Variants in TBC1D4 observed in about 807,000 individuals in gnomAD.
TBC1D4 encodes TBC1 domain family member 4, also known as TBC (Tre-2, BUB2, CDC16) domain-containing protein.
TBC1D4 carries 121 observed loss-of-function variants against 142.5 expected under a neutral mutation model. The observed-to-expected ratio is 0.85, with a 90% confidence interval of 0.73 to 0.99. The LOEUF (loss-of-function observed/expected upper bound fraction) is 0.99, where lower values mean the gene tolerates loss of function less well. TBC1D4 is among the 50% of genes least tolerant of loss of function. TBC1D4 has a pLI of 0.00. For synonymous variants in TBC1D4, 630 were observed against 628.2 expected, an observed-to-expected ratio of 1.00 and a Z score of -0.04; for missense variants, 1,475 against 1,606.6, an observed-to-expected ratio of 0.92 and a Z score of 1.40.
intron 1 of TBC1D4, among the ~76,000 whole-genome samples, chr13:75,375,267 C>T (rs1883433139): frequency 1.3e-5 from 2 of 152,328 alleles, no homozygotes; most frequent in South Asian, 2.1e-4. Context: ...TGGCTGTGAA[C>T]ATCCTTAGAG....
chr13:75,440,788 T>G (rs774575807), intron 1 of TBC1D4, among the ~76,000 whole-genome samples: 1 of 150,334 alleles, frequency 6.7e-6, no homozygotes, highest in Non-Finnish European at 1.5e-5. Context: ...TCCAGGCTGG[T>G]TTCAAACTCC....
At chr13:75,293,282 T>C (rs377054608) in intron 18 of TBC1D4, among the ~76,000 whole-genome samples, 3 of 152,238 alleles carry the variant, frequency 2.0e-5, no homozygotes, top group Admixed American at 6.5e-5. Flanking sequence ...GAGGGAACCA[T>C]AGAATCATTA....
intron 7 of TBC1D4, among the ~76,000 whole-genome samples, chr13:75,338,271 A>C (rs1390430821): frequency 6.6e-6 from 1 of 152,028 alleles, no homozygotes; most frequent in Non-Finnish European, 1.5e-5. Context: ...GGCCCCACCA[A>C]GAAAGGAAAG....
chr13:75,444,561 T>A (rs1364572069), intron 1 of TBC1D4, among the ~76,000 whole-genome samples: 2 of 152,254 alleles, frequency 1.3e-5, no homozygotes, highest in Non-Finnish European at 2.9e-5. Flanking sequence ...TTGTTGTTCA[T>A]GTTTCATGTC....
At chr13:75,338,780 G>A (rs140624569) in intron 7 of TBC1D4, among the ~76,000 whole-genome samples, 4 of 152,202 alleles carry the variant, frequency 2.6e-5, no homozygotes, top group Non-Finnish European at 5.9e-5. Flanking sequence ...TTTCCAAATT[G>A]AATTCTTATT....
chr13:75,389,314 T>G (rs1884345077), intron 1 of TBC1D4, among the ~76,000 whole-genome samples: 1 of 152,248 alleles, frequency 6.6e-6, no homozygotes, highest in Non-Finnish European at 1.5e-5. Flanking sequence ...AAATGAATTA[T>G]AAACAGCCTT....
chr13:75,302,069 G>A (rs918248919), intron 16 of TBC1D4, among the ~76,000 whole-genome samples, 174 bp downstream of exon 16: 1 of 152,104 alleles, frequency 6.6e-6, no homozygotes, highest in Non-Finnish European at 1.5e-5. Flanking sequence ...GGCATTTATG[G>A]GATCGTCAAT....
chr13:75,292,032 A>C, intron 19 of TBC1D4, 70 bp downstream of exon 19: 1 of 1,307,164 alleles, frequency 7.7e-7, no homozygotes, highest in East Asian at 2.4e-5. Context: ...CTACATTTTT[A>C]GGCTAAAGCA....
intron 1 of TBC1D4, among the ~76,000 whole-genome samples, chr13:75,455,789 C>T (rs1185819030): frequency 6.6e-6 from 1 of 152,010 alleles, no homozygotes; most frequent in Non-Finnish European, 1.5e-5. Context: ...CACTAATGCA[C>T]CCATATGTAA....
chr13:75,409,470 A>G (rs1262382857), intron 1 of TBC1D4, among the ~76,000 whole-genome samples: 1 of 152,206 alleles, frequency 6.6e-6, no homozygotes, highest in Non-Finnish European at 1.5e-5. Context: ...CAAATCAAAC[A>G]TTCCATTCCT....
intron 1 of TBC1D4, among the ~76,000 whole-genome samples, chr13:75,463,335 T>G (rs1291340709): frequency 1.3e-5 from 2 of 152,100 alleles, no homozygotes; most frequent in African/African-American, 4.8e-5. Context: ...GAGTCATAAT[T>G]AAAAAAACCT....
In TBC1D4 at chr13:75,302,140, C is replaced by G; in HGVS notation, c.2911+103G>C. On this transcript the variant is annotated intron_variant, in intron 16 of 20. Coordinates refer to ENST00000377636, the MANE Select transcript of TBC1D4 (RefSeq NM_014832.5). Reference sequence around the variant, plus strand: ...AAGTCAACGGCTCTGCATATGCCAACAGGTGCTCTTTATCAGCACCAAGAA... The same window carrying G: ...AAGTCAACGGCTCTGCATATGCCAAGAGGTGCTCTTTATCAGCACCAAGAA... The G allele has an allele frequency of 2.8e-6, 4 of 1,408,704 alleles. No homozygotes were observed. In the South Asian group the frequency reaches 3.5e-5, roughly 12 times the overall value. The allele number at this position is 1,408,704 out of a possible 1,614,324, so 87.3% of individuals were successfully genotyped here.
intron 1 of TBC1D4, among the ~76,000 whole-genome samples, chr13:75,442,016 A>T (rs1307491525): frequency 1.3e-5 from 2 of 152,282 alleles, no homozygotes; most frequent in Non-Finnish European, 2.9e-5. Flanking sequence ...TAAAATGAGT[A>T]GTCATAATTT....
chr13:75,300,896 G>T (rs952171266), intron 16 of TBC1D4, among the ~76,000 whole-genome samples: 1 of 152,148 alleles, frequency 6.6e-6, no homozygotes, highest in East Asian at 1.9e-4. Context: ...CAGAAGGAAG[G>T]TAATATGTCT....
chr13:75,391,533 C>T (rs1274915051), intron 1 of TBC1D4, among the ~76,000 whole-genome samples: 1 of 152,230 alleles, frequency 6.6e-6, no homozygotes, highest in Non-Finnish European at 1.5e-5. Context: ...TGACATACTT[C>T]TTTCACTTGG....
chr13:75,284,593 A>G lies in TBC1D4; in HGVS notation c.*2199T>C, dbSNP rs1874508666. On this transcript the variant is annotated 3_prime_UTR_variant, in exon 21 of 21. Transcript: ENST00000377636. ...CAGCCTGGTTCATAACAGGCCACAGACAGGTACCCAGGGACCCCTGCAGTA... is the reference window on the plus strand; with the variant it reads ...CAGCCTGGTTCATAACAGGCCACAGGCAGGTACCCAGGGACCCCTGCAGTA... The G allele has an allele frequency of 6.6e-6, 1 of 152,208 alleles. No homozygotes were observed. The highest frequency in any genetic ancestry group is 1.5e-5 in the Non-Finnish European group (1 of 68,040). 9.4% of individuals were successfully genotyped at this position (152,208 alleles called of 1,614,324 possible).
At chr13:75,407,109 C>T (rs1885385560) in intron 1 of TBC1D4, among the ~76,000 whole-genome samples, 1 of 152,212 alleles carries the variant, frequency 6.6e-6, no homozygotes, top group South Asian at 2.1e-4. Context: ...CCAGCCCCCT[C>T]AATGACCATA....
chr13:75,436,799 A>C (rs1886819088), intron 1 of TBC1D4, among the ~76,000 whole-genome samples: 1 of 152,210 alleles, frequency 6.6e-6, no homozygotes, highest in Non-Finnish European at 1.5e-5. Context: ...TGACAAGTAA[A>C]AAAATTTTAT....
chr13:75,420,155 T>C (rs1886100379), intron 1 of TBC1D4, among the ~76,000 whole-genome samples: 1 of 152,170 alleles, frequency 6.6e-6, no homozygotes, highest in Non-Finnish European at 1.5e-5. Flanking sequence ...TCAGTGGCTA[T>C]AGTAAGAAGT....
Sources: allele counts gnomAD v4.1 joint callset (sites outside exome capture counted in the v4.1 genomes callset), GRCh38; gene constraint gnomAD v4.1.1; transcripts MANE v1.5; gene names NCBI Gene and HGNC (gene_info 2026-07-23, HGNC 2026-07-21).